Variants in SRSF2 observed in about 807,000 individuals in gnomAD.
SRSF2 encodes the protein serine and arginine rich splicing factor 2, also known as serine/arginine-rich splicing factor 2.
Under a neutral mutation model 15.7 loss-of-function variants are expected in SRSF2, and 4 were observed. The observed-to-expected ratio is 0.26, with a 90% CI of 0.13 to 0.58. SRSF2 has a LOEUF of 0.58. Among genes scored for constraint, SRSF2 ranks in the 20% least tolerant of loss-of-function variants. The probability of loss-of-function intolerance (pLI) is 0.90; values close to 1 mark genes in which losing one functional copy is unlikely to be tolerated. For synonymous variants in SRSF2, 192 were observed against 138.9 expected, an observed-to-expected ratio of 1.38 and a Z score of -2.69; for missense variants, 147 against 332.4, an observed-to-expected ratio of 0.44 and a Z score of 4.34.
chr17:76,735,938 A>G, intron 2 of SRSF2: 1 of 627,004 alleles, frequency 1.6e-6, no homozygotes, highest in Non-Finnish European at 2.8e-6. Context: ...TTTCATTAAT[A>G]GGTCTCAAAC....
chr17:76,735,052 C>A lies in SRSF2; in HGVS notation c.*114G>T. Reference sequence around the variant, plus strand: ...CAAGTAAAAAGTTAGACAAATGTTACAAAATAACCTTTTCAATAGCCAGTT... The same window carrying A: ...CAAGTAAAAAGTTAGACAAATGTTAAAAAATAACCTTTTCAATAGCCAGTT... On this transcript the variant is annotated 3_prime_UTR_variant, in exon 3 of 3. Coordinates refer to ENST00000359995, the MANE Select transcript of SRSF2 (RefSeq NM_001195427.2). 1 of 221,356 alleles carries A rather than the reference C, an allele frequency of 4.5e-6. No homozygotes were observed. Among genetic ancestry groups the A allele is most frequent in the Non-Finnish European group, 9.1e-6 (1 of 110,272 alleles). 13.7% of individuals were successfully genotyped at this position (221,356 alleles called of 1,614,324 possible).
Position 76,734,473 on chromosome 17 carries a change from G to T in SRSF2, c.*693C>A, listed in dbSNP as rs980374717. On this transcript the variant is annotated 3_prime_UTR_variant, in exon 3 of 3. Coordinates refer to ENST00000359995, the MANE Select transcript of SRSF2 (RefSeq NM_001195427.2). ...AAGGCATCTTTACACAGGAGCAATC[G>T]GGAGAAAACAGGAAACAGCCAAGCA... 1.2e-5 allele frequency: 3 copies of T among 240,922 alleles called. No homozygotes were observed. Among genetic ancestry groups the T allele is most frequent in the Middle Eastern group, 1.3e-3 (1 of 790 alleles). The allele number at this position is 240,922 out of a possible 1,614,324, so 14.9% of individuals were successfully genotyped here.
intron 1 of SRSF2, 146 bp downstream of exon 1, chr17:76,736,653 G>C: frequency 1.7e-6 from 2 of 1,188,222 alleles, no homozygotes; most frequent in Non-Finnish European, 2.2e-6. Flanking sequence ...GGAAGCTCGC[G>C]GGGTGGCCGG....
In SRSF2 at chr17:76,735,176, G is replaced by C. The variant is rs2077398997; in HGVS notation, c.*8-18C>G. 1 of 219,812 alleles carries C rather than the reference G, an allele frequency of 4.5e-6. No homozygotes were observed. The highest frequency in any genetic ancestry group is 9.1e-6 in the Non-Finnish European group (1 of 109,544). 13.6% of individuals were successfully genotyped at this position (219,812 alleles called of 1,614,324 possible). On this transcript the variant is annotated intron_variant, in intron 2 of 2. Coordinates refer to ENST00000359995, the MANE Select transcript of SRSF2 (RefSeq NM_001195427.2). The stretch of plus-strand genomic sequence containing the variant: ...CGATACATCTAGGTTTGAAAAGAAA[G>C]AAGTTCAGCTTACCTTCCATTAAAG...
At chr17:76,735,758 AT>A (rs2077434802) in intron 2 of SRSF2, 8 of 349,082 alleles carry the variant, frequency 2.3e-5, no homozygotes, top group South Asian at 6.5e-5. Context: ...CATCTTTAAC[AT>A]TTAAAGACAA....
intron 2 of SRSF2, chr17:76,735,887 GA>G (rs1463320708): frequency 6.9e-6 from 4 of 581,336 alleles, no homozygotes; most frequent in Admixed American, 5.2e-5. Context: ...TTTAAAGGGG[GA>G]AAATGCAGAC....
In SRSF2 at chr17:76,737,010, T is replaced by C. The variant is rs2077536769; in HGVS notation, c.151A>G (p.Thr51Ala). ...GDVYIPRDRY[T>A]KESRGFAFVR... is the part of the protein sequence containing the mutation. ...AAGGCGAAGCCGCGGGACTCCTTGG[T>C]GTAGCGGTCCCGCGGGATGTACACG... Residue 51 changes from threonine (T) to alanine (A), a missense_variant, in exon 1 of 3, where the codon ACC (threonine) becomes GCC (alanine). By Grantham distance (58) the Thr-to-Ala change is moderately conservative (BLOSUM62 0). Coordinates refer to ENST00000359995, the MANE Select transcript of SRSF2 (RefSeq NM_001195427.2). The C allele has an allele frequency of 6.2e-7, 1 of 1,613,302 alleles. No individual in the cohort carries two copies. Among genetic ancestry groups the C allele is most frequent in the African/African-American group, 1.3e-5 (1 of 74,928 alleles).
chr17:76,737,252 C>T lies in SRSF2; in HGVS notation c.-92G>A. Reference sequence around the variant, plus strand: ...GCCGCGCCTCTCAGGCAGTTGCCTTCCGCGTGGGGACACTGGGAAAGGCCT... The same window carrying T: ...GCCGCGCCTCTCAGGCAGTTGCCTTTCGCGTGGGGACACTGGGAAAGGCCT... On this transcript the variant is annotated 5_prime_UTR_variant, in exon 1 of 3. Coordinates refer to ENST00000359995, the MANE Select transcript of SRSF2 (RefSeq NM_001195427.2). 2.8e-6 allele frequency: 4 copies of T among 1,442,906 alleles called. No individual in the cohort carries two copies. The highest frequency in any genetic ancestry group is 2.8e-6 in the Non-Finnish European group (3 of 1,090,160). The allele number at this position is 1,442,906 out of a possible 1,614,324, so 89.4% of individuals were successfully genotyped here.
rs1172950460 is a variant in SRSF2 at position 76,736,144 on chromosome 17, C to T, written c.*7+10G>A. ...ATTAGGGTTATGTGTCTCGGATTCC[C>T]AGACATTACCATTTTCTTAAGAGGA... On this transcript the variant is annotated intron_variant, in intron 2 of 2. Transcript: ENST00000359995. 3 of 1,580,154 alleles carry T rather than the reference C, an allele frequency of 1.9e-6. No homozygotes were observed. Among genetic ancestry groups the T allele is most frequent in the Non-Finnish European group, 1.7e-6 (2 of 1,161,456 alleles).
intron 1 of SRSF2, 60 bp downstream of exon 1, chr17:76,736,739 G>A (rs1013691314): frequency 2.9e-6 from 4 of 1,387,588 alleles, no homozygotes; most frequent in African/African-American, 3.1e-5. Context: ...CCTTTGTGAG[G>A]TCGCCCGGGC....
At chr17:76,735,691 T>C (rs1251214529) in intron 2 of SRSF2, 3 of 256,278 alleles carry the variant, frequency 1.2e-5, no homozygotes, top group East Asian at 1.2e-4. Flanking sequence ...CATTAGAATA[T>C]GAAGTCCCAG....
At position 76,737,251 on chromosome 17, in the gene SRSF2, T is replaced by G. The variant is rs780469516; in HGVS notation, c.-91A>C. 3 of 1,446,060 alleles carry G rather than the reference T, an allele frequency of 2.1e-6. No individual in the cohort carries two copies. In the African/African-American group the frequency reaches 4.3e-5, roughly 21 times the overall value. 89.6% of individuals were successfully genotyped at this position (1,446,060 alleles called of 1,614,324 possible). On this transcript the variant is annotated 5_prime_UTR_variant, in exon 1 of 3. Coordinates refer to ENST00000359995, the MANE Select transcript of SRSF2 (RefSeq NM_001195427.2). ...CGCCGCGCCTCTCAGGCAGTTGCCT[T>G]CCGCGTGGGGACACTGGGAAAGGCC... is the stretch of plus-strand genomic sequence containing the variant.
upstream of SRSF2, chr17:76,737,340 A>G (rs957783637): frequency 2.5e-6 from 2 of 792,972 alleles, no homozygotes; most frequent in South Asian, 2.2e-5. Flanking sequence ...CTGGGCGGGC[A>G]GCCGGCCTCT....
intron 1 of SRSF2, 166 bp from the exon 2 acceptor site, chr17:76,736,630 G>A (rs977762039): frequency 8.7e-7 from 1 of 1,149,660 alleles, no homozygotes; most frequent in Non-Finnish European, 1.1e-6. Context: ...GCCACTCCCG[G>A]GTCGCAGACG....
At position 76,735,047 on chromosome 17, in the gene SRSF2, T is replaced by C. The variant is rs1008080520; in HGVS notation, c.*119A>G. Reference sequence around the variant, plus strand: ...TTAAACAAGTAAAAAGTTAGACAAATGTTACAAAATAACCTTTTCAATAGC... The same window carrying C: ...TTAAACAAGTAAAAAGTTAGACAAACGTTACAAAATAACCTTTTCAATAGC... On this transcript the variant is annotated 3_prime_UTR_variant, in exon 3 of 3. Coordinates refer to ENST00000359995, the MANE Select transcript of SRSF2 (RefSeq NM_001195427.2). 1 of 221,534 alleles carries C rather than the reference T, an allele frequency of 4.5e-6. No homozygotes were observed. The highest frequency in any genetic ancestry group is 9.1e-6 in the Non-Finnish European group (1 of 110,492). 13.7% of individuals were successfully genotyped at this position (221,534 alleles called of 1,614,324 possible). A position where few individuals can be genotyped will look rare whatever the true frequency, so the allele number is the denominator to read the frequency against.
chr17:76,736,116 T>G lies in SRSF2; in HGVS notation c.*7+38A>C, dbSNP rs368528056. The G allele has an allele frequency of 4.6e-6, 7 of 1,532,144 alleles. No individual in the cohort carries two copies. The African/African-American group carries it at 8.3e-5, about 18-fold the overall frequency. 94.9% of individuals were successfully genotyped at this position (1,532,144 alleles called of 1,614,324 possible). On this transcript the variant is annotated intron_variant, in intron 2 of 2. Coordinates refer to ENST00000359995, the MANE Select transcript of SRSF2 (RefSeq NM_001195427.2). The stretch of plus-strand genomic sequence containing the variant: ...AAAGACCTACCCCAAATCCCATTTA[T>G]GAATTAGGGTTATGTGTCTCGGATT...
chr17:76,736,150 T>C lies in SRSF2; in HGVS notation c.*7+4A>G, dbSNP rs2077456565. ...GTTATGTGTCTCGGATTCCCAGACA[T>C]TACCATTTTCTTAAGAGGACACCGC... is the stretch of plus-strand genomic sequence containing the variant. On this transcript the variant is annotated splice_donor_region_variant and intron_variant, in intron 2 of 2. Transcript: ENST00000359995. 1 of 1,586,810 alleles carries C rather than the reference T, an allele frequency of 6.3e-7. No individual in the cohort carries two copies. The highest frequency in any genetic ancestry group is 1.1e-5 in the South Asian group (1 of 88,634).
At chr17:76,736,124 G>A (rs746326579) in intron 2 of SRSF2, 30 bp downstream of exon 2, 12 of 1,556,596 alleles carry the variant, frequency 7.7e-6, no homozygotes, top group South Asian at 1.2e-5. Flanking sequence ...TATGAATTAG[G>A]GTTATGTGTC....
Position 76,736,394 on chromosome 17 carries a change from T to C in SRSF2, c.433A>G (p.Ser145Gly), listed in dbSNP as rs1231837013. 1 of 1,613,792 alleles carries C rather than the reference T, an allele frequency of 6.2e-7. No homozygotes were observed. The highest frequency in any genetic ancestry group is 1.7e-5 in the Admixed American group (1 of 60,004). Residue 145 changes from serine (S) to glycine (G), a missense_variant, in exon 2 of 3, where the codon AGC becomes GGC. Around this residue, in one of 2 missense-constraint regions of SRSF2, gnomAD observed 125 missense variants for 185.1 expected, o/e 0.68. Coordinates refer to ENST00000359995, the MANE Select transcript of SRSF2 (RefSeq NM_001195427.2). ...RSRSRSRSRY[S>G]RSKSRSRTRS... ...GTGCGGGACCGAGACTTCGAGCGGC[T>C]GTAGCGAGATCGGCTGCGAGACCTG...
Sources: gnomAD v4.1 joint callset for allele counts on GRCh38, gnomAD v4.1.1 for gene constraint, gnomAD v4.1.1 regional missense constraint, MANE v1.5 for transcripts, NCBI Gene and HGNC (gene_info 2026-07-23, HGNC 2026-07-21) for gene names.